The following ELP4 variants were observed in gnomAD, a reference collection of about 807,000 sequenced individuals.
The protein encoded by ELP4 is elongator complex protein 4.
A neutral mutation model predicts 48.9 loss-of-function variants in ELP4; 51 were observed. That is an observed-to-expected ratio of 1.04 (90% CI 0.83 to 1.32). The LOEUF (loss-of-function observed/expected upper bound fraction) is 1.32, where lower values mean the gene tolerates loss of function less well. Ranked by LOEUF, ELP4 falls within the 40% of genes most tolerant of loss-of-function variation. The pLI is 0.00. For synonymous variants in ELP4, 210 were observed against 189.2 expected (o/e 1.11, Z -0.90); for missense variants, 519 against 514.6 (o/e 1.01, Z -0.08).
At chr11:31,761,147 G>A (rs772010113) in intron 9 of ELP4, among the ~76,000 whole-genome samples, 3 of 151,900 alleles carry the variant, frequency 2.0e-5, no homozygotes, top group East Asian at 1.9e-4. Context: ...GGATCGCTTC[G>A]GCAACATGGC....
intron 2 of ELP4, among the ~76,000 whole-genome samples, chr11:31,534,478 T>G (rs542401142): frequency 6.6e-6 from 1 of 152,210 alleles, no homozygotes; most frequent in East Asian, 1.9e-4. Context: ...GCATGAAAAG[T>G]CCATGGTAAG....
At chr11:31,706,482 A>G (rs1219200448) in intron 9 of ELP4, among the ~76,000 whole-genome samples, 1 of 149,448 alleles carries the variant, frequency 6.7e-6, no homozygotes, top group East Asian at 1.9e-4. Flanking sequence ...AAAAAGTTTT[A>G]ATTAAATGTT....
chr11:31,634,276 A>G (rs1944926292), intron 7 of ELP4: 2 of 152,044 alleles, frequency 1.3e-5, no homozygotes, highest in African/African-American at 2.4e-5. Flanking sequence ...GAAAATTATT[A>G]TTGTAAAATA....
At chr11:31,582,892 G>A (rs1490690630) in intron 3 of ELP4, among the ~76,000 whole-genome samples, 1 of 152,074 alleles carries the variant, frequency 6.6e-6, no homozygotes, top group Non-Finnish European at 1.5e-5. Flanking sequence ...ACTGTGGTGG[G>A]GGCGGGGTGG....
intron 7 of ELP4, 147 bp from the exon 8 acceptor site, chr11:31,647,594 C>G: frequency 5.5e-6 from 3 of 547,016 alleles, no homozygotes; most frequent in Non-Finnish European, 9.8e-6. Flanking sequence ...CAGTTTTCAG[C>G]CTATAGTAGC....
chr11:31,633,098 A>G (rs1000935172), intron 7 of ELP4: 1 of 152,060 alleles, frequency 6.6e-6, no homozygotes, highest in African/African-American at 2.4e-5. Context: ...AATTCTTAAC[A>G]CAGTACCTAG....
intron 3 of ELP4, among the ~76,000 whole-genome samples, chr11:31,571,995 T>C (rs1957200528): frequency 6.6e-6 from 1 of 152,204 alleles, no homozygotes; most frequent in Admixed American, 6.5e-5. Context: ...CAACTTACAG[T>C]CATCAACTGC....
chr11:31,546,093 C>G (rs190702552), intron 3 of ELP4, among the ~76,000 whole-genome samples: 303 of 151,418 alleles, frequency 2.0e-3, no homozygotes, highest in African/African-American at 7.0e-3. Context: ...GCAAAATAAC[C>G]AGCTAACATT....
At chr11:31,612,733 T>G (rs191932538) in intron 5 of ELP4, among the ~76,000 whole-genome samples, 22 of 152,058 alleles carry the variant, frequency 1.4e-4, no homozygotes, top group African/African-American at 5.1e-4. Flanking sequence ...GAATAAGATG[T>G]TTGAATTAGG....
intron 2 of ELP4, among the ~76,000 whole-genome samples, chr11:31,533,076 A>G (rs987606687): frequency 6.6e-6 from 1 of 151,768 alleles, no homozygotes; most frequent in African/African-American, 2.4e-5. Context: ...GTGCCCGGCC[A>G]CAAGTACAGA....
At chr11:31,778,952 G>A (rs1255537923) in intron 9 of ELP4, among the ~76,000 whole-genome samples, 2 of 152,048 alleles carry the variant, frequency 1.3e-5, no homozygotes, top group Non-Finnish European at 2.9e-5. Flanking sequence ...GAACTCCCAG[G>A]CTCCCACTTC....
At chr11:31,632,768 G>A (rs1453468335) in intron 7 of ELP4, 1 of 160,602 alleles carries the variant, frequency 6.2e-6, no homozygotes, top group African/African-American at 2.4e-5. Context: ...CTCCAATCTT[G>A]ACAGTCTTTT....
chr11:31,624,685 A>C (rs1175795060), intron 5 of ELP4, among the ~76,000 whole-genome samples: 2 of 151,886 alleles, frequency 1.3e-5, no homozygotes, highest in Admixed American at 1.3e-4. Context: ...AAACTTCTAC[A>C]TTTTAAAAAC....
intron 3 of ELP4, among the ~76,000 whole-genome samples, chr11:31,560,319 T>G (rs1439102291): frequency 6.6e-6 from 1 of 152,166 alleles, no homozygotes; most frequent in Non-Finnish European, 1.5e-5. Flanking sequence ...TGTTACTATC[T>G]TAATTTCTTA....
intron 5 of ELP4, among the ~76,000 whole-genome samples, chr11:31,608,796 T>C (rs1164708559): frequency 6.6e-6 from 1 of 152,102 alleles, no homozygotes; most frequent in African/African-American, 2.4e-5. Flanking sequence ...AGCGTGTCGA[T>C]GTGAGACGAG....
At chr11:31,772,942 C>T (rs1040800832) in intron 9 of ELP4, among the ~76,000 whole-genome samples, 1 of 152,250 alleles carries the variant, frequency 6.6e-6, no homozygotes, top group African/African-American at 2.4e-5. Flanking sequence ...GCACCCACTT[C>T]TCTCTGGAAG....
chr11:31,776,331 C>T (rs1045014118), intron 9 of ELP4, among the ~76,000 whole-genome samples: 6 of 152,078 alleles, frequency 3.9e-5, no homozygotes, highest in Non-Finnish European at 7.3e-5. Context: ...GTAGATGGTG[C>T]CTCCTCTTTA....
At chr11:31,544,189 G>A (rs1427002910) in intron 3 of ELP4, among the ~76,000 whole-genome samples, 1 of 152,258 alleles carries the variant, frequency 6.6e-6, no homozygotes, top group Non-Finnish European at 1.5e-5. Flanking sequence ...AGCCGAAGCA[G>A]GGCGAGGCAT....
intron 9 of ELP4, among the ~76,000 whole-genome samples, chr11:31,764,893 CAT>C: frequency 6.6e-6 from 1 of 152,290 alleles, no homozygotes. Context: ...AATTACTAAT[CAT>C]GTGTATTATT....
Sources: allele counts gnomAD v4.1 joint callset (sites outside exome capture counted in the v4.1 genomes callset), GRCh38; gene constraint gnomAD v4.1.1; transcripts MANE v1.5; gene names NCBI Gene and HGNC (gene_info 2026-07-23, HGNC 2026-07-21).